The following AKIP1 variants were observed in gnomAD, a reference collection of about 807,000 sequenced individuals.
AKIP1 encodes the protein A-kinase interacting protein 1.
In AKIP1, 18 loss-of-function variants were observed where a neutral mutation model predicts 22.3. That is an observed-to-expected ratio of 0.81 (90% CI 0.56 to 1.19). AKIP1 has a LOEUF of 1.19. AKIP1 is among the 50% of genes most tolerant of loss of function. The pLI is 0.00. For missense variants in AKIP1, 287 were observed against 264.6 expected (o/e 1.08, Z -0.59); for synonymous variants, 120 against 102.7 (o/e 1.17, Z -1.02).
At chr11:8,913,439 T>G (rs908313925) in intron 3 of AKIP1, among the ~76,000 whole-genome samples, 1 of 149,586 alleles carries the variant, frequency 6.7e-6, no homozygotes, top group Admixed American at 6.6e-5. Context: ...CCGCGCATCT[T>G]GGCCTCCCAA....
In AKIP1 at chr11:8,911,231, G is replaced by T. The variant is rs960688087; in HGVS notation, c.-7+8G>T. The stretch of plus-strand genomic sequence containing the variant: ...CCTTGACGAGTGAGCCGGGTGAGGG[G>T]GCTCCCTAAGTAGCGGAAGGGGTAG... On this transcript the variant is annotated splice_region_variant and intron_variant, in intron 1 of 5. Transcript: ENST00000309377. 2 of 563,880 alleles carry T rather than the reference G, an allele frequency of 3.5e-6. No homozygotes were observed. The highest frequency in any genetic ancestry group is 2.3e-5 in the South Asian group (1 of 44,068). 34.9% of individuals were successfully genotyped at this position (563,880 alleles called of 1,614,324 possible). A position where few individuals can be genotyped will look rare whatever the true frequency, so the allele number is the denominator to read the frequency against.
chr11:8,911,603 C>A lies in AKIP1; in HGVS notation c.154C>A (p.Leu52Ile). The change falls in exon 2 of 6, where the codon CTT (leucine) becomes ATT (isoleucine). Residue 52 changes from leucine (L) to isoleucine (I), a missense_variant. Leu to Ile is a conservative substitution (Grantham distance 5). Transcript: ENST00000309377. ...GCGTCCCAAAGGCTGCATGGGGGTC[C>A]TTGCCCGGGAGGCGCCCCACCTAGA... is the stretch of plus-strand genomic sequence containing the variant. Reference protein sequence around the residue: ...LERPKGCMGVLAREAPHLEKQ... With the variant: ...LERPKGCMGVIAREAPHLEKQ... 1 of 1,604,152 alleles carries A rather than the reference C, an allele frequency of 6.2e-7. No individual in the cohort carries two copies. Among genetic ancestry groups the A allele is most frequent in the Admixed American group, 1.7e-5 (1 of 57,856 alleles).
intron 3 of AKIP1, among the ~76,000 whole-genome samples, chr11:8,913,699 A>G (rs915861353): frequency 2.6e-5 from 4 of 152,182 alleles, no homozygotes; most frequent in African/African-American, 9.7e-5. Flanking sequence ...TTTCAGTTTC[A>G]TATGTTAAGA....
intron 2 of AKIP1, 30 bp from the exon 3 acceptor site, chr11:8,912,423 T>C (rs761641136): frequency 1.3e-6 from 2 of 1,584,298 alleles, no homozygotes; most frequent in South Asian, 2.2e-5. Flanking sequence ...ATCCTAGAGC[T>C]AACCTGTGAC....
chr11:8,912,285 T>C (rs1398082406), intron 2 of AKIP1, among the ~76,000 whole-genome samples, 168 bp from the exon 3 acceptor site: 1 of 152,056 alleles, frequency 6.6e-6, no homozygotes, highest in Admixed American at 6.6e-5. Context: ...CCTGGATAAA[T>C]TGCATGTCTA....
Position 8,919,462 on chromosome 11 carries a change from C to T in AKIP1, c.615C>T (p.Asp205=). Residue 205 remains aspartate (D), a synonymous_variant, in exon 6 of 6, where the codon GAC becomes GAT. Coordinates refer to ENST00000309377, the MANE Select transcript of AKIP1 (RefSeq NM_020642.4). The stretch of plus-strand genomic sequence containing the variant: ...CAGTTGATTCTGGACAAAGCGTGGA[C>T]CTGGTCTTCCCTGTGTGATGTTGAC... ...VVAVDSGQSV[D]LVFPV is the part of the protein sequence containing the mutation. The T allele has an allele frequency of 6.2e-7, 1 of 1,613,686 alleles. No individual in the cohort carries two copies. The highest frequency in any genetic ancestry group is 1.7e-4 in the Middle Eastern group (1 of 6,060).
intron 4 of AKIP1, among the ~76,000 whole-genome samples, chr11:8,915,708 G>A (rs994045677): frequency 1.4e-4 from 21 of 150,586 alleles, no homozygotes; most frequent in East Asian, 1.9e-4. Context: ...GTGCGATCGC[G>A]GCTCACTGCA....
intron 5 of AKIP1, 151 bp from the exon 6 acceptor site, chr11:8,919,186 G>C: frequency 1.4e-6 from 1 of 690,834 alleles, no homozygotes; most frequent in South Asian, 1.9e-5. Context: ...TGTTGTACGT[G>C]AGCAGGCTGA....
At chr11:8,911,321 T>TGGGGGCGGACC in intron 1 of AKIP1, 98 bp downstream of exon 1, 1 of 847,820 alleles carries the variant, frequency 1.2e-6, no homozygotes, top group Non-Finnish European at 1.8e-6. Context: ...GAGTGTGCGT[T>TGGGGGCGGACC]GGGGGCGGAC....
intron 5 of AKIP1, 56 bp downstream of exon 5, chr11:8,917,423 C>A: frequency 2.3e-6 from 3 of 1,311,560 alleles, no homozygotes; most frequent in Non-Finnish European, 3.3e-6. Flanking sequence ...CTCCATGAAC[C>A]AGTTGACATG....
At position 8,912,490 on chromosome 11, in the gene AKIP1, G is replaced by C; in HGVS notation, c.260G>C (p.Arg87Thr). 3 of 1,614,122 alleles carry C rather than the reference G, an allele frequency of 1.9e-6. No homozygotes were observed. The highest frequency in any genetic ancestry group is 2.5e-6 in the Non-Finnish European group (3 of 1,179,982). ...CCCCCAACCCTTAGTGCTTCCTTCA[G>C]AACAATGGCTGAATTCATGGACTAT... is the stretch of plus-strand genomic sequence containing the variant. ...ERPPTLSASFRTMAEFMDYTS... is the reference protein window; with the variant it reads ...ERPPTLSASFTTMAEFMDYTS... Residue 87 changes from arginine to threonine, a missense_variant, in exon 3 of 6, where the codon AGA becomes ACA. Arg to Thr is a moderately conservative substitution (Grantham distance 71). Coordinates refer to ENST00000309377, the MANE Select transcript of AKIP1 (RefSeq NM_020642.4).
chr11:8,914,426 G>A (rs927419998), intron 3 of AKIP1, among the ~76,000 whole-genome samples: 2 of 152,148 alleles, frequency 1.3e-5, no homozygotes, highest in East Asian at 1.9e-4. Context: ...CTCTCTTCCC[G>A]TGTCCTGGTC....
intron 5 of AKIP1, chr11:8,917,594 A>C: frequency 1.8e-6 from 1 of 546,324 alleles, no homozygotes; most frequent in Non-Finnish European, 3.3e-6. Flanking sequence ...GCCTGAACTC[A>C]TAGTTGTGGT....
intron 5 of AKIP1, among the ~76,000 whole-genome samples, chr11:8,918,588 C>T (rs578131704): frequency 6.6e-6 from 1 of 152,298 alleles, no homozygotes; most frequent in East Asian, 1.9e-4. Context: ...CCCTTAATTA[C>T]AGGCTCTCTT....
At chr11:8,912,342 A>G in intron 2 of AKIP1, 111 bp from the exon 3 acceptor site, 1 of 802,190 alleles carries the variant, frequency 1.2e-6, no homozygotes, top group Non-Finnish European at 2.2e-6. Flanking sequence ...TCTTTCTGAC[A>G]TAAACTTGCA....
chr11:8,919,647 G>GTT lies in AKIP1; in HGVS notation c.*175_*176dup. 1 of 729,326 alleles carries GTT rather than the reference G, an allele frequency of 1.4e-6. No individual in the cohort carries two copies. The highest frequency in any genetic ancestry group is 2.2e-6 in the Non-Finnish European group (1 of 461,760). 45.2% of individuals were successfully genotyped at this position (729,326 alleles called of 1,614,324 possible). A position where few individuals can be genotyped will look rare whatever the true frequency, so the allele number is the denominator to read the frequency against. ...CAGTGCTTTTTTGTTTGTTTGGTTG[G>GTT]TTTTTTTTTGAGACAGTCTCACTCT... is the stretch of plus-strand genomic sequence containing the variant. On this transcript the variant is annotated 3_prime_UTR_variant, in exon 6 of 6. Transcript: ENST00000309377.
At chr11:8,912,306 T>A (rs2742519) in intron 2 of AKIP1, 147 bp from the exon 3 acceptor site, 1 of 639,002 alleles carries the variant, frequency 1.6e-6, no homozygotes, top group Non-Finnish European at 2.8e-6. Flanking sequence ...TCTTTTAGAG[T>A]TGGAATTCTT....
chr11:8,913,088 C>T (rs1230261597), intron 3 of AKIP1, among the ~76,000 whole-genome samples: 1 of 148,378 alleles, frequency 6.7e-6, no homozygotes, highest in African/African-American at 2.6e-5. Context: ...ACTGTGTTAC[C>T]CAGGATGGTC....
chr11:8,914,731 T>A, intron 3 of AKIP1, 95 bp from the exon 4 acceptor site: 1 of 870,364 alleles, frequency 1.1e-6, no homozygotes, highest in South Asian at 1.6e-5. Context: ...CTCTCTTGCC[T>A]CCCTCCTTAA....
Sources: gnomAD v4.1 joint callset for allele counts (sites outside exome capture counted in the v4.1 genomes callset) on GRCh38, gnomAD v4.1.1 for gene constraint, MANE v1.5 for transcripts, NCBI Gene and HGNC (gene_info 2026-07-23, HGNC 2026-07-21) for gene names.